TRAPPC12: variants seen among roughly 807,000 people sequenced by gnomAD.
TRAPPC12 encodes TPR repeat protein 15.
In TRAPPC12, 61 loss-of-function variants were observed where a neutral mutation model predicts 69.2. That is an observed-to-expected ratio of 0.88 (90% CI 0.72 to 1.09). TRAPPC12 has a LOEUF of 1.09. Among genes scored for constraint, TRAPPC12 ranks in the 50% least tolerant of loss-of-function variants. The probability of loss-of-function intolerance (pLI) is 0.00; values close to 1 mark genes in which losing one functional copy is unlikely to be tolerated. For synonymous variants in TRAPPC12, 469 were observed against 438.9 expected (o/e 1.07, Z -0.86); for missense variants, 1,101 against 1,016.4 (o/e 1.08, Z -1.13).
chr2:3,467,039 C>T (rs977627288), intron 9 of TRAPPC12, among the ~76,000 whole-genome samples: 2 of 152,192 alleles, frequency 1.3e-5, no homozygotes, highest in African/African-American at 4.8e-5. Flanking sequence ...ATTGCTTTTG[C>T]GTCTGGAAGT....
chr2:3,394,997 C>T (rs1188814235), intron 2 of TRAPPC12, among the ~76,000 whole-genome samples: 1 of 152,132 alleles, frequency 6.6e-6, no homozygotes, highest in Non-Finnish European at 1.5e-5. Context: ...TATTTGAGTA[C>T]AGTCTTTTTT....
Position 3,395,560 on chromosome 2 carries a change from CT to C in TRAPPC12, c.1048-6197del, listed in dbSNP as rs10671671. Reference sequence around the variant, plus strand: ...GCTTTTATTAGTTTCAAAATTATTACTTTTTTTTTTTTTTTTTTTTGAGACA... The same window carrying C: ...GCTTTTATTAGTTTCAAAATTATTACTTTTTTTTTTTTTTTTTTTGAGACA... On this transcript the variant is annotated intron_variant, in intron 2 of 11. Coordinates refer to ENST00000324266, the MANE Select transcript of TRAPPC12 (RefSeq NM_016030.6). 3.3e-3 allele frequency among the ~76,000 whole-genome samples: 389 copies of C among 118,126 alleles called. 1 individual carries two copies. Among genetic ancestry groups the C allele is most frequent in the African/African-American group, 9.3e-3 (286 of 30,770 alleles). 77.5% of individuals were successfully genotyped at this position (118,126 alleles called of 152,430 possible). A position where few individuals can be genotyped will look rare whatever the true frequency, so the allele number is the denominator to read the frequency against.
rs957662788 is a variant in TRAPPC12 at position 3,414,046 on chromosome 2, C to T, written c.1165-7835C>T. 1.3e-5 allele frequency among the ~76,000 whole-genome samples: 2 copies of T among 152,122 alleles called. No homozygotes were observed. Among genetic ancestry groups the T allele is most frequent in the Non-Finnish European group, 2.9e-5 (2 of 68,036 alleles). On this transcript the variant is annotated intron_variant, in intron 3 of 11. Transcript: ENST00000324266. This position sits in a 1 kb window ranked among gnomAD's most constrained non-coding sequence, Gnocchi z 4.9. ...CCTTGTGCCTTGTTCACTAAGCCAGCTCAGTATCCTTTTTATTCACGTAAT... is the reference window on the plus strand; with the variant it reads ...CCTTGTGCCTTGTTCACTAAGCCAGTTCAGTATCCTTTTTATTCACGTAAT...
intron 5 of TRAPPC12, among the ~76,000 whole-genome samples, chr2:3,427,765 C>A (rs1271330413): frequency 1.3e-5 from 2 of 152,136 alleles, no homozygotes; most frequent in African/African-American, 4.8e-5. Context: ...TGGTGGTGCA[C>A]ACCAGTACTA....
intron 1 of TRAPPC12, 22 bp from the exon 2 acceptor site, chr2:3,387,598 T>C: frequency 6.7e-7 from 1 of 1,498,082 alleles, no homozygotes. Flanking sequence ...CTCAGGGGCC[T>C]TCTCTCTGTC....
At chr2:3,406,649 C>T (rs1661749669) in intron 3 of TRAPPC12, among the ~76,000 whole-genome samples, 1 of 152,198 alleles carries the variant, frequency 6.6e-6, no homozygotes, top group Non-Finnish European at 1.5e-5. Flanking sequence ...CCAGGGTGGC[C>T]ATTTCCCTGG....
At chr2:3,399,808 T>C (rs1055359220) in intron 2 of TRAPPC12, among the ~76,000 whole-genome samples, 314 of 136,612 alleles carry the variant, frequency 2.3e-3, no homozygotes, top group African/African-American at 3.0e-3. Context: ...TTTCCCCCGC[T>C]CCCCCCGCCA....
At chr2:3,449,512 CG>C (rs1278267326) in intron 6 of TRAPPC12, 14 of 152,378 alleles carry the variant, frequency 9.2e-5, no homozygotes, top group Non-Finnish European at 2.1e-4. Flanking sequence ...GGAAAAGAAA[CG>C]TATTCAACAA....
chr2:3,441,129 G>A (rs567753961), intron 5 of TRAPPC12, among the ~76,000 whole-genome samples: 1 of 152,222 alleles, frequency 6.6e-6, no homozygotes, highest in South Asian at 2.1e-4. Flanking sequence ...ATGTTCATGA[G>A]ACATATTGGT....
At chr2:3,473,776 G>T (rs1036484188) in intron 9 of TRAPPC12, among the ~76,000 whole-genome samples, 3 of 152,238 alleles carry the variant, frequency 2.0e-5, no homozygotes, top group African/African-American at 7.2e-5. Context: ...CAGCTGAAAT[G>T]AGTTTTCTGT....
In TRAPPC12 at chr2:3,403,699, C is replaced by T. The variant is rs181639921; in HGVS notation, c.1164+1806C>T. Among the ~76,000 whole-genome samples the T allele has an allele frequency of 8.5e-4, 129 of 152,292 alleles. 1 individual carries two copies. Among genetic ancestry groups the T allele is most frequent in the African/African-American group, 2.7e-3 (112 of 41,556 alleles). The stretch of plus-strand genomic sequence containing the variant: ...TTTTAAAGTTTATTTTGGAGTAGCG[C>T]GTGGCTCAGTCCCAGCTCAGAGGCA... On this transcript the variant is annotated intron_variant, in intron 3 of 11. Transcript: ENST00000324266.
chr2:3,424,529 G>C lies in TRAPPC12; in HGVS notation c.1283G>C (p.Trp428Ser). ...TSHTTDSLQL[W>S]FVRLALLVKL... ...TCCATTGTATTTTGTTTTTAGCTCT[G>C]GTTTGTCAGGCTGGCACTACTAGTG... is the stretch of plus-strand genomic sequence containing the variant. The change falls in exon 5 of 12, where the codon TGG becomes TCG. Residue 428 changes from tryptophan (W) to serine (S), a missense_variant. Transcript: ENST00000324266. 1 of 1,612,552 alleles carries C rather than the reference G, an allele frequency of 6.2e-7. No homozygotes were observed. The highest frequency in any genetic ancestry group is 8.5e-7 in the Non-Finnish European group (1 of 1,179,668).
At chr2:3,452,911 C>CA (rs1664927351) in intron 6 of TRAPPC12, among the ~76,000 whole-genome samples, 1 of 152,186 alleles carries the variant, frequency 6.6e-6, no homozygotes, top group South Asian at 2.1e-4. Flanking sequence ...TTAAAGCTTA[C>CA]AAAATGCTTC....
chr2:3,403,972 T>C (rs1451713794), intron 3 of TRAPPC12, among the ~76,000 whole-genome samples: 1 of 152,236 alleles, frequency 6.6e-6, no homozygotes, highest in Non-Finnish European at 1.5e-5. Context: ...AACAAAATTT[T>C]TTCCTTAATT....
At chr2:3,463,371 AGCTGGTGGGAGTGGCT>A (rs1461764675) in intron 8 of TRAPPC12, among the ~76,000 whole-genome samples, 2 of 151,490 alleles carry the variant, frequency 1.3e-5, no homozygotes, top group African/African-American at 2.4e-5. Flanking sequence ...ACTGTTGCTG[AGCTGGTGGGAGTGGCT>A]GCCGGCGGGT....
rs190833713 is a variant in TRAPPC12 at position 3,473,024 on chromosome 2, A to C, written c.1777-4671A>C. Among the ~76,000 whole-genome samples, 70 of 152,366 alleles carry C rather than the reference A, an allele frequency of 4.6e-4. 1 individual carries two copies. The highest frequency in any genetic ancestry group is 4.0e-3 in the Admixed American group (61 of 15,306). ...GCGGGGACTTTTCTTAAACTGACTT[A>C]GCAGGATTCTTGCTCACACTGGATT... On this transcript the variant is annotated intron_variant, in intron 9 of 11. Coordinates refer to ENST00000324266, the MANE Select transcript of TRAPPC12 (RefSeq NM_016030.6).
chr2:3,468,019 G>A (rs1359766340), intron 9 of TRAPPC12: 3 of 152,236 alleles, frequency 2.0e-5, no homozygotes, highest in Non-Finnish European at 2.9e-5. Context: ...GGCCTGTCAG[G>A]TGAGCCCACA....
At chr2:3,389,794 C>T (rs200008671) in intron 2 of TRAPPC12, 4 of 470,390 alleles carry the variant, frequency 8.5e-6, no homozygotes, top group Non-Finnish European at 1.8e-5. Context: ...GGAGGGCGGA[C>T]GAGTTTTATT....
intron 3 of TRAPPC12, among the ~76,000 whole-genome samples, chr2:3,413,743 C>G (rs1315116251): frequency 6.6e-6 from 1 of 152,108 alleles, no homozygotes; most frequent in African/African-American, 2.4e-5. Context: ...ACAGTGTGCA[C>G]AGGGATGAGG....
Sources: gnomAD v4.1 joint callset for allele counts (sites outside exome capture counted in the v4.1 genomes callset) on GRCh38, gnomAD v4.1.1 for gene constraint, Gnocchi (gnomAD v3.1) non-coding constraint, MANE v1.5 for transcripts, NCBI Gene and HGNC (gene_info 2026-07-23, HGNC 2026-07-21) for gene names.